The following AGMO variants were observed in gnomAD, a reference collection of about 807,000 sequenced individuals.
The protein encoded by AGMO is glyceryl-ether monooxygenase.
A neutral mutation model predicts 60.2 loss-of-function variants in AGMO; 75 were observed. That is an observed-to-expected ratio of 1.25 (90% confidence interval 1.03 to 1.51). The LOEUF (loss-of-function observed/expected upper bound fraction) is 1.51, where lower values mean the gene tolerates loss of function less well. Ranked by LOEUF, AGMO falls within the 40% of genes most tolerant of loss-of-function variation. The pLI is 0.00. For synonymous variants in AGMO, 261 were observed against 177.1 expected, an observed-to-expected ratio of 1.47 and a Z score of -3.76; for missense variants, 763 against 525.5, an observed-to-expected ratio of 1.45 and a Z score of -4.42.
At chr7:15,409,972 A>G (rs1784795132) in intron 5 of AGMO, among the ~76,000 whole-genome samples, 1 of 151,712 alleles carries the variant, frequency 6.6e-6, no homozygotes, top group Admixed American at 6.6e-5. Flanking sequence ...AATAATGAAT[A>G]CTGGATAGGC....
intron 3 of AGMO, among the ~76,000 whole-genome samples, chr7:15,528,929 T>C (rs943442514): frequency 4.6e-5 from 7 of 152,090 alleles, no homozygotes; most frequent in African/African-American, 1.7e-4. Flanking sequence ...ATTAGAGGCA[T>C]GAGACACCGC....
chr7:15,378,336 A>G (rs1403824425), intron 10 of AGMO, among the ~76,000 whole-genome samples: 2 of 152,096 alleles, frequency 1.3e-5, no homozygotes, highest in African/African-American at 4.8e-5. Context: ...GACAACACCA[A>G]TCATTAAAGT....
At chr7:15,333,602 TAAAAAAAAAA>T (rs199764355) in intron 12 of AGMO, among the ~76,000 whole-genome samples, 1 of 128,332 alleles carries the variant, frequency 7.8e-6, no homozygotes, top group Non-Finnish European at 1.7e-5. Context: ...CTACTGAATT[TAAAAAAAAAA>T]AAAAAAGAAA....
intron 12 of AGMO, among the ~76,000 whole-genome samples, chr7:15,264,474 A>T (rs1344950632): frequency 6.6e-6 from 1 of 152,096 alleles, no homozygotes; most frequent in Non-Finnish European, 1.5e-5. Context: ...TATTGAATGC[A>T]ATAAGGCAGA....
chr7:15,397,137 C>G lies in AGMO; in HGVS notation c.610-2958G>C, dbSNP rs1784422225. On this transcript the variant is annotated intron_variant, in intron 5 of 12. Transcript: ENST00000342526. ...TACCTATCCTGGGCACTCCCGCAGCCCAGAGGGAGCTCTCCCAGACAACCA... is the reference window on the plus strand; with the variant it reads ...TACCTATCCTGGGCACTCCCGCAGCGCAGAGGGAGCTCTCCCAGACAACCA... 2.0e-5 allele frequency among the ~76,000 whole-genome samples: 3 copies of G among 152,130 alleles called. No individual in the cohort carries two copies. The South Asian group carries it at 6.2e-4, about 31-fold the overall frequency.
intron 12 of AGMO, among the ~76,000 whole-genome samples, chr7:15,297,671 C>G (rs983247658): frequency 6.6e-6 from 1 of 152,116 alleles, no homozygotes; most frequent in African/African-American, 2.4e-5. Context: ...TAGCATACCC[C>G]CCTTCCTGGG....
chr7:15,491,340 G>C (rs1006052941), intron 3 of AGMO, among the ~76,000 whole-genome samples: 1 of 152,186 alleles, frequency 6.6e-6, no homozygotes, highest in Non-Finnish European at 1.5e-5. Flanking sequence ...GCTAAGAAAA[G>C]TGTCATGCCT....
chr7:15,536,604 C>T (rs1784488482), intron 3 of AGMO, among the ~76,000 whole-genome samples: 1 of 151,654 alleles, frequency 6.6e-6, no homozygotes, highest in Non-Finnish European at 1.5e-5. Flanking sequence ...GTGACCATAC[C>T]TGTTATTAAG....
chr7:15,327,996 G>A (rs1427579824), intron 12 of AGMO, among the ~76,000 whole-genome samples: 1 of 151,856 alleles, frequency 6.6e-6, no homozygotes, highest in Non-Finnish European at 1.5e-5. Flanking sequence ...AGCTTGTCAT[G>A]AACTTCTAGG....
chr7:15,536,304 C>T (rs1008459253), intron 3 of AGMO, among the ~76,000 whole-genome samples: 1 of 151,600 alleles, frequency 6.6e-6, no homozygotes, highest in African/African-American at 2.4e-5. Flanking sequence ...CCAGAATCTA[C>T]TTTTTTTTAC....
chr7:15,541,975 G>A (rs1385359804), intron 3 of AGMO, among the ~76,000 whole-genome samples: 1 of 152,050 alleles, frequency 6.6e-6, no homozygotes, highest in Non-Finnish European at 1.5e-5. Flanking sequence ...ATTTTAAGAT[G>A]ACATACGTAT....
chr7:15,378,372 G>A (rs1299724561), intron 10 of AGMO, among the ~76,000 whole-genome samples: 1 of 152,004 alleles, frequency 6.6e-6, no homozygotes, highest in South Asian at 2.1e-4. Context: ...AAATTAAAAT[G>A]GTTTTTGTTG....
At chr7:15,159,845 G>A in the AGMO span, among the ~76,000 whole-genome samples, 1 of 152,114 alleles carries the variant, frequency 6.6e-6, no homozygotes, top group African/African-American at 2.4e-5. Flanking sequence ...TAGTGACAAA[G>A]GTCCTGCATA....
At chr7:15,479,150 A>C (rs1398147105) in intron 3 of AGMO, among the ~76,000 whole-genome samples, 1 of 152,196 alleles carries the variant, frequency 6.6e-6, no homozygotes, top group Non-Finnish European at 1.5e-5. Flanking sequence ...CTATGTAGAA[A>C]TTACGGACAT....
At chr7:15,338,844 T>TA (rs550681198) in intron 12 of AGMO, among the ~76,000 whole-genome samples, 206 of 152,228 alleles carry the variant, frequency 1.4e-3, no homozygotes, top group African/African-American at 4.8e-3. Context: ...CTCATCAAAA[T>TA]AAAAACTACC....
In AGMO at chr7:15,473,378, CT is replaced by C. The variant is rs796092689; in HGVS notation, c.410-42271del. Among the ~76,000 whole-genome samples, 8 of 152,048 alleles carry C rather than the reference CT, an allele frequency of 5.3e-5. No individual in the cohort carries two copies. In the South Asian group the frequency reaches 1.2e-3, roughly 24 times the overall value. On this transcript the variant is annotated intron_variant, in intron 3 of 12. Transcript: ENST00000342526. ...ATCACAAGCAATAGAAGAAAAGGGACTCCTCCTTAACTCATTTTATGAGGCC... is the reference window on the plus strand; with the variant it reads ...ATCACAAGCAATAGAAGAAAAGGGACCCTCCTTAACTCATTTTATGAGGCC...
chr7:15,139,054 C>A, the AGMO span, among the ~76,000 whole-genome samples: 2,061 of 152,266 alleles, frequency 0.014, 35 homozygotes, highest in African/African-American at 0.045. Flanking sequence ...GTCTTCCTAT[C>A]TGCTCTTCTT....
intron 1 of AGMO, among the ~76,000 whole-genome samples, chr7:15,561,105 T>C (rs973996311): frequency 6.6e-5 from 10 of 152,130 alleles, no homozygotes; most frequent in Non-Finnish European, 1.5e-4. Context: ...AACTAGTGAG[T>C]GTTGTAGGAA....
chr7:15,538,543 T>G (rs935145624), intron 3 of AGMO, among the ~76,000 whole-genome samples: 1 of 152,102 alleles, frequency 6.6e-6, no homozygotes, highest in Non-Finnish European at 1.5e-5. Context: ...ATACCTTCCA[T>G]AGTGTATTTT....
Sources: gnomAD v4.1 joint callset for allele counts (sites outside exome capture counted in the v4.1 genomes callset) on GRCh38, gnomAD v4.1.1 for gene constraint, MANE v1.5 for transcripts, NCBI Gene and HGNC (gene_info 2026-07-23, HGNC 2026-07-21) for gene names.